The following PHLDB2 variants were observed in gnomAD, a reference collection of about 807,000 sequenced individuals.
The protein encoded by PHLDB2 is pleckstrin homology-like domain family B member 2.
A neutral mutation model predicts 123.6 loss-of-function variants in PHLDB2; 71 were observed. The ratio of observed to expected loss-of-function variants is 0.57; its 90% confidence interval spans 0.47 to 0.70. The LOEUF (loss-of-function observed/expected upper bound fraction) is 0.70. Among genes scored for constraint, PHLDB2 ranks in the 30% least tolerant of loss-of-function variants. The pLI, the probability that PHLDB2 is intolerant of heterozygous loss-of-function variation, is 0.00. For missense variants in PHLDB2, 1,446 were observed against 1,519.5 expected (o/e 0.95, Z 0.80); for synonymous variants, 547 against 541.6 (o/e 1.01, Z -0.14).
At chr3:111,803,458 T>C (rs749320777) in intron 1 of PHLDB2, among the ~76,000 whole-genome samples, 20 of 151,994 alleles carry the variant, frequency 1.3e-4, no homozygotes, top group African/African-American at 4.8e-4. Flanking sequence ...CTCCTGGACA[T>C]CTTAGTGACA....
chr3:111,968,499 A>G (rs1044887784), intron 15 of PHLDB2, among the ~76,000 whole-genome samples: 1 of 152,228 alleles, frequency 6.6e-6, no homozygotes, highest in Non-Finnish European at 1.5e-5. Flanking sequence ...CTTACATAAT[A>G]TGTTTTCTGA....
chr3:111,810,596 A>G (rs948146892), intron 1 of PHLDB2, among the ~76,000 whole-genome samples: 1 of 152,088 alleles, frequency 6.6e-6, no homozygotes, highest in Non-Finnish European at 1.5e-5. Flanking sequence ...TTATGACCTC[A>G]TTTAACCTTA....
At chr3:111,958,603 C>T (rs759238070) in intron 12 of PHLDB2, 7 of 420,812 alleles carry the variant, frequency 1.7e-5, no homozygotes, top group Non-Finnish European at 2.8e-5. Flanking sequence ...GGTTTGGGTT[C>T]CTTGTGTGGC....
chr3:111,950,824 T>G (rs2070669028), intron 10 of PHLDB2, among the ~76,000 whole-genome samples: 2 of 152,300 alleles, frequency 1.3e-5, no homozygotes, highest in South Asian at 4.1e-4. Context: ...TGGGCTGATA[T>G]GAAAGGATAT....
intron 17 of PHLDB2, 64 bp from the exon 18 acceptor site, chr3:111,974,359 G>A: frequency 7.1e-7 from 1 of 1,407,982 alleles, no homozygotes; most frequent in Non-Finnish European, 9.5e-7. Context: ...TCACATGTCT[G>A]TGTTATTTAA....
chr3:111,878,763 G>C (rs980505284), intron 1 of PHLDB2, among the ~76,000 whole-genome samples: 4 of 152,108 alleles, frequency 2.6e-5, no homozygotes, highest in African/African-American at 4.8e-5. Context: ...TAGCATGAAG[G>C]GCTGTTGAAT....
At chr3:111,837,449 A>G (rs1332672940) in intron 1 of PHLDB2, among the ~76,000 whole-genome samples, 1 of 152,180 alleles carries the variant, frequency 6.6e-6, no homozygotes, top group Non-Finnish European at 1.5e-5. Context: ...TTTGGGGTGC[A>G]TAGTAATTTC....
At chr3:111,861,499 A>T (rs888292296) in intron 1 of PHLDB2, among the ~76,000 whole-genome samples, 1 of 152,224 alleles carries the variant, frequency 6.6e-6, no homozygotes, top group Admixed American at 6.5e-5. Context: ...TGCAGATCTC[A>T]GCCTGTCAGA....
intron 1 of PHLDB2, among the ~76,000 whole-genome samples, chr3:111,810,009 T>C (rs944046070): frequency 3.3e-5 from 5 of 152,174 alleles, no homozygotes; most frequent in African/African-American, 9.7e-5. Context: ...TAAAACTTTT[T>C]TGTGGAGATG....
intron 1 of PHLDB2, among the ~76,000 whole-genome samples, chr3:111,787,709 AC>A (rs2060747796): frequency 6.6e-6 from 1 of 152,016 alleles, no homozygotes; most frequent in Non-Finnish European, 1.5e-5. Flanking sequence ...CTCAAAGAGG[AC>A]ACATGGGAGA....
chr3:111,878,191 A>G (rs1395350825), intron 1 of PHLDB2, among the ~76,000 whole-genome samples: 2 of 152,142 alleles, frequency 1.3e-5, no homozygotes, highest in South Asian at 2.1e-4. Context: ...TTAGCATGGG[A>G]TGTTTTTCCA....
intron 1 of PHLDB2, among the ~76,000 whole-genome samples, chr3:111,839,698 T>C (rs1326458765): frequency 6.6e-6 from 1 of 152,096 alleles, no homozygotes; most frequent in African/African-American, 2.4e-5. Context: ...AGGAAAAAAA[T>C]GTTCAATAGA....
intron 1 of PHLDB2, among the ~76,000 whole-genome samples, chr3:111,746,466 A>T (rs2107945286): frequency 6.6e-6 from 1 of 152,312 alleles, no homozygotes; most frequent in South Asian, 2.1e-4. Context: ...AATGAATTAA[A>T]AAGTGAAATA....
chr3:111,924,337 C>CT (rs1315264466), intron 5 of PHLDB2, among the ~76,000 whole-genome samples: 1 of 152,256 alleles, frequency 6.6e-6, no homozygotes, highest in South Asian at 2.1e-4. Flanking sequence ...GAGGAGGGCA[C>CT]TAGGGCACTG....
chr3:111,740,198 G>A (rs2059579542), intron 1 of PHLDB2, among the ~76,000 whole-genome samples: 1 of 152,164 alleles, frequency 6.6e-6, no homozygotes, highest in Non-Finnish European at 1.5e-5. Flanking sequence ...TGCCTAGGGA[G>A]TGCTAAGACC....
chr3:111,949,951 T>C, intron 10 of PHLDB2: 1 of 949,740 alleles, frequency 1.1e-6, no homozygotes, highest in Non-Finnish European at 1.3e-6. Context: ...ATTACTTATG[T>C]GAAATCTTTT....
At chr3:111,882,509 A>G (rs887281522) in intron 1 of PHLDB2, among the ~76,000 whole-genome samples, 2 of 152,226 alleles carry the variant, frequency 1.3e-5, no homozygotes, top group African/African-American at 4.8e-5. Context: ...CAAGAGCTAG[A>G]TGGCAGGACT....
intron 12 of PHLDB2, among the ~76,000 whole-genome samples, chr3:111,961,182 T>A (rs970028174): frequency 2.6e-5 from 4 of 152,010 alleles, no homozygotes; most frequent in African/African-American, 9.7e-5. Context: ...AATACAAAAG[T>A]TAGCTGAGTA....
At position 111,896,713 on chromosome 3, in the gene PHLDB2, T is replaced by C. The variant is rs562712399; in HGVS notation, c.1335+11301T>C. Among the ~76,000 whole-genome samples, 132 of 150,692 alleles carry C rather than the reference T, an allele frequency of 8.8e-4. 1 individual carries two copies. The highest frequency in any genetic ancestry group is 1.3e-3 in the Non-Finnish European group (89 of 67,828). On this transcript the variant is annotated intron_variant, in intron 2 of 17. Coordinates refer to ENST00000431670, the MANE Select transcript of PHLDB2 (RefSeq NM_001134438.2). ...CCAGCTTGAGAAAAGATTATGGGAA[T>C]ATTTGCTGTAGAGAATATTCTTAAA...
Sources: gnomAD v4.1 joint callset for allele counts (sites outside exome capture counted in the v4.1 genomes callset) on GRCh38, gnomAD v4.1.1 for gene constraint, MANE v1.5 for transcripts, NCBI Gene and HGNC (gene_info 2026-07-23, HGNC 2026-07-21) for gene names.